The following RPH3A variants were observed in gnomAD, a reference collection of about 807,000 sequenced individuals.
The protein encoded by RPH3A is rabphilin 3A.
A neutral mutation model predicts 102.2 loss-of-function variants in RPH3A; 48 were observed. The observed-to-expected ratio is 0.47, with a 90% CI of 0.37 to 0.60. The LOEUF is 0.60. Ranked by LOEUF, RPH3A falls within the 20% of genes least tolerant of loss-of-function variation. The pLI is 0.00. For missense variants in RPH3A, 781 were observed against 910.1 expected (o/e 0.86, Z 1.83); for synonymous variants, 310 against 324.3 (o/e 0.96, Z 0.47).
intron 1 of RPH3A, among the ~76,000 whole-genome samples, chr12:112,683,894 A>G (rs1434280332): frequency 1.3e-5 from 2 of 152,082 alleles, no homozygotes; most frequent in Non-Finnish European, 2.9e-5. Context: ...GTCTTCTATA[A>G]TTTCTTTATT....
chr12:112,805,870 C>G (rs1252584238), intron 2 of RPH3A, among the ~76,000 whole-genome samples: 1 of 152,034 alleles, frequency 6.6e-6, no homozygotes, highest in African/African-American at 2.4e-5. Flanking sequence ...AAATCACAGC[C>G]CCAAATATAA....
chr12:112,865,673 G>C, intron 6 of RPH3A, 130 bp downstream of exon 6: 2 of 1,035,302 alleles, frequency 1.9e-6, no homozygotes, highest in African/African-American at 1.7e-5. Context: ...GCCAGGATAT[G>C]GTTTTTTTCT....
chr12:112,674,345 G>A (rs2040157153), intron 1 of RPH3A, among the ~76,000 whole-genome samples: 1 of 152,186 alleles, frequency 6.6e-6, no homozygotes, highest in African/African-American at 2.4e-5. Context: ...TAACGACTGA[G>A]GAGGGACAAA....
chr12:112,876,559 C>T lies in RPH3A; in HGVS notation c.947-83C>T, dbSNP rs1283724102. The T allele has an allele frequency of 2.0e-5, 20 of 994,098 alleles. 1 individual carries two copies. The highest frequency in any genetic ancestry group is 7.2e-5 in the South Asian group (4 of 55,784). The allele number at this position is 994,098 out of a possible 1,614,324, so 61.6% of individuals were successfully genotyped here. ...CTGATTCCGGGTGAAGCCAGGAATC[C>T]GCATCTTTTGAAAATGTCCCTAGGT... On this transcript the variant is annotated intron_variant, in intron 12 of 21. Coordinates refer to ENST00000389385, the MANE Select transcript of RPH3A (RefSeq NM_001143854.2).
At chr12:112,762,484 A>G (rs1255848026) in intron 1 of RPH3A, among the ~76,000 whole-genome samples, 1 of 152,178 alleles carries the variant, frequency 6.6e-6, no homozygotes, top group African/African-American at 2.4e-5. Flanking sequence ...TTCTCCTTGC[A>G]AACCCCATTT....
At chr12:112,858,614 T>C (rs1007507098) in intron 5 of RPH3A, among the ~76,000 whole-genome samples, 3 of 152,256 alleles carry the variant, frequency 2.0e-5, no homozygotes, top group African/African-American at 7.2e-5. Flanking sequence ...CATGATTTTT[T>C]AAACAATGTC....
intron 1 of RPH3A, among the ~76,000 whole-genome samples, chr12:112,746,421 C>G (rs2040746717): frequency 6.6e-6 from 1 of 152,084 alleles, no homozygotes; most frequent in African/African-American, 2.4e-5. Flanking sequence ...AGCCAGACCT[C>G]CAAATACCCA....
chr12:112,660,819 T>A (rs767355357), intron 1 of RPH3A, among the ~76,000 whole-genome samples: 10 of 152,272 alleles, frequency 6.6e-5, no homozygotes, highest in Non-Finnish European at 1.3e-4. Flanking sequence ...ATCTATGAAG[T>A]CTAGTTCCAG....
In RPH3A at chr12:112,791,901, A is replaced by AGAGAGAGACT; in HGVS notation, c.-247_-246insGAGACTGAGA. ...GAGAGAGAGAGAGAGAGAGAGAGAG[A>AGAGAGAGACT]GAGACTCACAGAGCTAAAACCTTCA... On this transcript the variant is annotated 5_prime_UTR_variant, in exon 1 of 22. Coordinates refer to ENST00000389385, the MANE Select transcript of RPH3A (RefSeq NM_001143854.2). 6.6e-6 allele frequency: 1 copy of AGAGAGAGACT among 151,044 alleles called. No individual in the cohort carries two copies. The highest frequency in any genetic ancestry group is 2.5e-5 in the African/African-American group (1 of 40,776). The allele number at this position is 151,044 out of a possible 1,614,324, so 9.4% of individuals were successfully genotyped here.
chr12:112,810,775 A>G (rs2041558082), intron 2 of RPH3A, among the ~76,000 whole-genome samples: 1 of 152,142 alleles, frequency 6.6e-6, no homozygotes, highest in Non-Finnish European at 1.5e-5. Context: ...AAAATAGATA[A>G]CAGCCTAAAT....
intron 1 of RPH3A, among the ~76,000 whole-genome samples, chr12:112,674,066 T>A (rs1243103537): frequency 6.6e-6 from 1 of 152,160 alleles, no homozygotes; most frequent in East Asian, 1.9e-4. Context: ...GCCTATTTTT[T>A]AATTTTTTTG....
chr12:112,842,097 C>T (rs1465189942), intron 4 of RPH3A: 5 of 451,848 alleles, frequency 1.1e-5, no homozygotes, highest in Admixed American at 2.4e-5. Flanking sequence ...GTTCTTCCCA[C>T]CCCTGGGTCA....
intron 1 of RPH3A, among the ~76,000 whole-genome samples, chr12:112,641,413 G>C (rs2039889382): frequency 2.0e-5 from 3 of 152,124 alleles, no homozygotes; most frequent in Admixed American, 1.3e-4. Context: ...ATTCAAGACA[G>C]AGTTTTGATC....
chr12:112,699,579 C>T (rs4766991), intron 1 of RPH3A, among the ~76,000 whole-genome samples: 32,581 of 152,064 alleles, frequency 0.21, 4,049 homozygotes, highest in South Asian at 0.36. Flanking sequence ...GCAAAACCAA[C>T]CTATAGTGAC....
At chr12:112,769,316 G>A (rs1358171849) in intron 1 of RPH3A, among the ~76,000 whole-genome samples, 1 of 152,176 alleles carries the variant, frequency 6.6e-6, no homozygotes, top group East Asian at 1.9e-4. Context: ...TTCTTGTGGT[G>A]TAATTATGAA....
At chr12:112,879,645 A>G (rs1393706221) in intron 14 of RPH3A, among the ~76,000 whole-genome samples, 2 of 152,286 alleles carry the variant, frequency 1.3e-5, no homozygotes, top group Non-Finnish European at 2.9e-5. Context: ...GGACACTAAT[A>G]TGGGCTTCCA....
In RPH3A at chr12:112,869,790, G is replaced by A; in HGVS notation, c.642G>A (p.Gln214=). Residue 214 remains glutamine, a synonymous_variant, in exon 9 of 22, where the codon CAG becomes CAA. Transcript: ENST00000389385. ...GDSEDRRGPG[Q]KTGPDPASAP... ...GTGAAGATAGGAGGGGCCCGGGTCA[G>A]AAGACAGGTGGGTTCTGCTGACTCT... 5.6e-6 allele frequency: 9 copies of A among 1,614,212 alleles called. No individual in the cohort carries two copies. The highest frequency in any genetic ancestry group is 7.6e-6 in the Non-Finnish European group (9 of 1,180,038).
rs71086113 is a variant in RPH3A at position 112,655,563 on chromosome 12, C to CTTTTTTT, written c.-140+80265_-140+80271dup. On this transcript the variant is annotated intron_variant, in intron 1 of 21. Coordinates refer to the RPH3A transcript ENST00000543106. ...GGGCCCATCTCGAATTTTTGTTGGTCTTTTTTTTTTTTTTTTTTTTTTTTT... is the reference window on the plus strand; with the variant it reads ...GGGCCCATCTCGAATTTTTGTTGGTCTTTTTTTTTTTTTTTTTTTTTTTTTTTTTTTT... Among the ~76,000 whole-genome samples, 100 of 55,582 alleles carry CTTTTTTT rather than the reference C, an allele frequency of 1.8e-3. 12 individuals are homozygous for CTTTTTTT. The highest frequency in any genetic ancestry group is 0.014 in the South Asian group (18 of 1,246). The allele number at this position is 55,582 out of a possible 152,430, so 36.5% of individuals were successfully genotyped here. A position where few individuals can be genotyped will look rare whatever the true frequency, so the allele number is the denominator to read the frequency against.
chr12:112,648,026 A>C (rs1303122013), intron 1 of RPH3A, among the ~76,000 whole-genome samples: 1 of 152,150 alleles, frequency 6.6e-6, no homozygotes, highest in Non-Finnish European at 1.5e-5. Flanking sequence ...TTAAAAAATC[A>C]ATTTGGTTTT....
Sources: allele counts gnomAD v4.1 joint callset (sites outside exome capture counted in the v4.1 genomes callset), GRCh38; gene constraint gnomAD v4.1.1; transcripts MANE v1.5; gene names NCBI Gene and HGNC (gene_info 2026-07-23, HGNC 2026-07-21).